The following AUTS2 variants were observed in gnomAD, a reference collection of about 807,000 sequenced individuals.
The protein encoded by AUTS2 is autism susceptibility gene 2 protein.
A neutral mutation model predicts 112.4 loss-of-function variants in AUTS2; 17 were observed. The ratio of observed to expected loss-of-function variants is 0.15; its 90% confidence interval spans 0.10 to 0.23. The LOEUF is 0.23. Among genes scored for constraint, AUTS2 ranks in the 10% least tolerant of loss-of-function variants. AUTS2 has a pLI of 1.00. For missense variants in AUTS2, 1,510 were observed against 1,701.6 expected (o/e 0.89, Z 1.98); for synonymous variants, 751 against 702.7 (o/e 1.07, Z -1.09).
intron 2 of AUTS2, among the ~76,000 whole-genome samples, chr7:69,907,828 A>G (rs1209765827): frequency 6.6e-6 from 1 of 152,212 alleles, no homozygotes; most frequent in Non-Finnish European, 1.5e-5. Context: ...ATTTTATTGG[A>G]CTTTGACAGT....
intron 2 of AUTS2, among the ~76,000 whole-genome samples, chr7:70,037,928 G>A (rs892027437): frequency 5.3e-5 from 8 of 151,720 alleles, no homozygotes; most frequent in African/African-American, 7.3e-5. Context: ...TTCTGCTTTC[G>A]AGAACTTAAC....
intron 2 of AUTS2, among the ~76,000 whole-genome samples, chr7:70,066,071 A>C (rs10234121): frequency 0.081 from 12,305 of 152,240 alleles, 632 homozygotes; most frequent in African/African-American, 0.13. Flanking sequence ...TGATCTTTGC[A>C]ATCTGTAGGA....
chr7:70,304,641 G>A (rs1213672701), intron 4 of AUTS2, among the ~76,000 whole-genome samples: 1 of 151,444 alleles, frequency 6.6e-6, no homozygotes, highest in Non-Finnish European at 1.5e-5. Flanking sequence ...AGCAGGGCTG[G>A]TTCCCTTTTA....
At chr7:70,713,652 T>C (rs951893025) in intron 6 of AUTS2, among the ~76,000 whole-genome samples, 25 of 152,166 alleles carry the variant, frequency 1.6e-4, no homozygotes, top group Non-Finnish European at 3.5e-4. Flanking sequence ...CCCAGCACTT[T>C]GGGAGGCCGA....
intron 4 of AUTS2, 54 bp from the exon 5 acceptor site, chr7:70,435,698 C>CA: frequency 6.3e-7 from 1 of 1,599,220 alleles, no homozygotes; most frequent in Non-Finnish European, 8.6e-7. Context: ...GCATCAAAAG[C>CA]AAAAACATAC....
intron 2 of AUTS2, among the ~76,000 whole-genome samples, chr7:69,980,043 C>T (rs1463340662): frequency 6.6e-6 from 1 of 152,134 alleles, no homozygotes; most frequent in African/African-American, 2.4e-5. Flanking sequence ...CTTCTCTTCT[C>T]CACATGGTAC....
At position 70,069,329 on chromosome 7, in the gene AUTS2, AT is replaced by A. The variant is rs142212480; in HGVS notation, c.523-48801del. On this transcript the variant is annotated intron_variant, in intron 2 of 18. Coordinates refer to ENST00000342771, the MANE Select transcript of AUTS2 (RefSeq NM_015570.4). The stretch of plus-strand genomic sequence containing the variant: ...CTGAGTCCAGGATGTGCCAAGCAAG[AT>A]TGTAGATACTCTCACAGATGAATTC... Among the ~76,000 whole-genome samples the A allele has an allele frequency of 2.9e-3, 446 of 152,332 alleles. 5 individuals are homozygous for A. The highest frequency in any genetic ancestry group is 0.01 in the African/African-American group (432 of 41,578).
intron 5 of AUTS2, among the ~76,000 whole-genome samples, chr7:70,518,608 A>G (rs949168196): frequency 1.3e-5 from 2 of 151,708 alleles, no homozygotes; most frequent in Non-Finnish European, 1.5e-5. Flanking sequence ...GGCGTGAACC[A>G]GGAGCCGGAG....
chr7:70,554,368 C>T (rs913341014), intron 5 of AUTS2, among the ~76,000 whole-genome samples: 4 of 150,418 alleles, frequency 2.7e-5, no homozygotes, highest in Non-Finnish European at 4.4e-5. Flanking sequence ...TGTGCCCGGC[C>T]TCTTTTTTTT....
At chr7:70,117,104 G>GTTTTTTTTTTTTTTTTTTT (rs61076536) in intron 2 of AUTS2, among the ~76,000 whole-genome samples, 3 of 78,434 alleles carry the variant, frequency 3.8e-5, no homozygotes, top group Admixed American at 1.2e-4. Context: ...GATGACTTTT[G>GTTTTTTTTTTTTTTTTTTT]TTTTTTTTTT....
chr7:70,386,616 GTAAGTCCAGT>G (rs1255047218), intron 4 of AUTS2, among the ~76,000 whole-genome samples: 2 of 152,130 alleles, frequency 1.3e-5, no homozygotes, highest in Non-Finnish European at 2.9e-5. Context: ...GTGACTGAAC[GTAAGTCCAGT>G]TATATCTGCA....
intron 5 of AUTS2, among the ~76,000 whole-genome samples, chr7:70,505,436 T>C (rs1798923906): frequency 6.6e-6 from 1 of 152,186 alleles, no homozygotes; most frequent in Non-Finnish European, 1.5e-5. Flanking sequence ...ACAGCTGTTA[T>C]TCAGATTAGA....
At chr7:70,428,166 GGTTTAAAA>G (rs755652605) in intron 4 of AUTS2, among the ~76,000 whole-genome samples, 9 of 152,116 alleles carry the variant, frequency 5.9e-5, no homozygotes, top group Non-Finnish European at 1.2e-4. Flanking sequence ...AACATTTTCA[GGTTTAAAA>G]ATTTAAAAAT....
At chr7:69,847,095 C>T (rs886529924) in intron 1 of AUTS2, among the ~76,000 whole-genome samples, 3 of 152,072 alleles carry the variant, frequency 2.0e-5, no homozygotes, top group African/African-American at 7.2e-5. Context: ...TTCCCCTCTC[C>T]CCTACCCCCC....
At chr7:69,927,208 A>G (rs1055442641) in intron 2 of AUTS2, among the ~76,000 whole-genome samples, 3 of 147,640 alleles carry the variant, frequency 2.0e-5, no homozygotes, top group African/African-American at 7.4e-5. Context: ...ATATATATAC[A>G]TACTATATAT....
intron 5 of AUTS2, among the ~76,000 whole-genome samples, chr7:70,697,721 A>G (rs959673364): frequency 8.5e-5 from 13 of 152,196 alleles, no homozygotes; most frequent in African/African-American, 2.7e-4. Flanking sequence ...TGGCCATTAT[A>G]ACTTTAAATG....
intron 1 of AUTS2, among the ~76,000 whole-genome samples, chr7:69,876,911 G>A (rs1793828830): frequency 6.6e-6 from 1 of 152,040 alleles, no homozygotes; most frequent in Non-Finnish European, 1.5e-5. Flanking sequence ...CTGATGTTTT[G>A]TTGAGTGAAG....
chr7:70,586,011 C>T (rs1166153529), intron 5 of AUTS2, among the ~76,000 whole-genome samples: 1 of 152,076 alleles, frequency 6.6e-6, no homozygotes, highest in Non-Finnish European at 1.5e-5. Flanking sequence ...TACAAGCATG[C>T]GCCACCATGT....
intron 5 of AUTS2, among the ~76,000 whole-genome samples, chr7:70,444,343 CGT>C (rs370735846): frequency 0.12 from 16,952 of 138,140 alleles, 1,018 homozygotes; most frequent in Middle Eastern, 0.15. Flanking sequence ...TGGTCATGTA[CGT>C]GTGTGTGTGT....
Sources: allele counts gnomAD v4.1 joint callset (sites outside exome capture counted in the v4.1 genomes callset), GRCh38; gene constraint gnomAD v4.1.1; transcripts MANE v1.5; gene names NCBI Gene and HGNC (gene_info 2026-07-23, HGNC 2026-07-21).